Variants in VNN1 observed in about 807,000 individuals in gnomAD.
VNN1 encodes the protein vanin 1.
In VNN1, 29 loss-of-function variants were observed where a neutral mutation model predicts 41.9. The ratio of observed to expected loss-of-function variants is 0.69; its 90% CI spans 0.52 to 0.94. The LOEUF is 0.94. VNN1 is among the 40% of genes least tolerant of loss of function. The probability of loss-of-function intolerance (pLI) is 0.00; values close to 1 mark genes in which losing one functional copy is unlikely to be tolerated. For missense variants in VNN1, 637 were observed against 621.1 expected (o/e 1.03, Z -0.27); for synonymous variants, 233 against 224.4 (o/e 1.04, Z -0.34).
intron 1 of VNN1, among the ~76,000 whole-genome samples, chr6:132,713,508 G>A (rs1354700402): frequency 6.6e-6 from 1 of 152,164 alleles, no homozygotes; most frequent in Non-Finnish European, 1.5e-5. Flanking sequence ...CCTAGTCCCT[G>A]ACCCATTTAT....
intron 2 of VNN1, among the ~76,000 whole-genome samples, chr6:132,711,104 G>A (rs1315492546): frequency 1.3e-5 from 2 of 152,194 alleles, no homozygotes; most frequent in African/African-American, 4.8e-5. Flanking sequence ...TTCCAAAAGA[G>A]GAATTCCTAA....
chr6:132,685,866 C>G (rs1364267319), intron 5 of VNN1, among the ~76,000 whole-genome samples: 1 of 152,162 alleles, frequency 6.6e-6, no homozygotes, highest in Non-Finnish European at 1.5e-5. Context: ...AGTGGATGGT[C>G]TTTAGATGAA....
At chr6:132,700,060 C>T (rs755600494) in intron 2 of VNN1, among the ~76,000 whole-genome samples, 17 of 152,060 alleles carry the variant, frequency 1.1e-4, no homozygotes, top group Non-Finnish European at 2.2e-4. Flanking sequence ...ACAATAGGGA[C>T]AAAAAGTTTA....
In VNN1 at chr6:132,681,844, A is replaced by G. The variant is rs757305408; in HGVS notation, c.*1296T>C. 7.2e-5 allele frequency: 11 copies of G among 152,642 alleles called. No homozygotes were observed. The highest frequency in any genetic ancestry group is 1.5e-4 in the Non-Finnish European group (10 of 68,026). 9.5% of individuals were successfully genotyped at this position (152,642 alleles called of 1,614,324 possible). A position where few individuals can be genotyped will look rare whatever the true frequency, so the allele number is the denominator to read the frequency against. ...TTTTTAGGAAAAACATCTGCCACAA[A>G]AATGTTTGTCTCAAAATGATGTTTT... On this transcript the variant is annotated 3_prime_UTR_variant, in exon 7 of 7. Coordinates refer to ENST00000367928, the MANE Select transcript of VNN1 (RefSeq NM_004666.3).
At chr6:132,699,136 T>C (rs1265700278) in intron 2 of VNN1, 1 of 339,270 alleles carries the variant, frequency 2.9e-6, no homozygotes, top group Non-Finnish European at 5.9e-6. Context: ...TGGCAACTGA[T>C]GTGTTCCAAA....
Position 132,682,946 on chromosome 6 carries a change from A to T in VNN1, c.*194T>A. ...CCAAGAAAGACCAATGTTCAAATATAGTTTTTTAAATAAAATCTACATTAA... is the reference window on the plus strand; with the variant it reads ...CCAAGAAAGACCAATGTTCAAATATTGTTTTTTAAATAAAATCTACATTAA... On this transcript the variant is annotated 3_prime_UTR_variant, in exon 7 of 7. Coordinates refer to ENST00000367928, the MANE Select transcript of VNN1 (RefSeq NM_004666.3). 1 of 401,062 alleles carries T rather than the reference A, an allele frequency of 2.5e-6. No individual in the cohort carries two copies. Among genetic ancestry groups the T allele is most frequent in the Non-Finnish European group, 4.2e-6 (1 of 236,972 alleles). 24.8% of individuals were successfully genotyped at this position (401,062 alleles called of 1,614,324 possible). A position where few individuals can be genotyped will look rare whatever the true frequency, so the allele number is the denominator to read the frequency against.
chr6:132,684,196 G>A, intron 6 of VNN1, 139 bp downstream of exon 6: 2 of 822,288 alleles, frequency 2.4e-6, no homozygotes, highest in Non-Finnish European at 3.6e-6. Flanking sequence ...CCTGCTCAAT[G>A]TCCTTCATGA....
Position 132,681,135 on chromosome 6 carries a change from T to C in VNN1, c.*2005A>G, listed in dbSNP as rs1185406037. ...TCCACGTTGTGCCATTGTTGGTCCA[T>C]GTGACCAACATCATGTGGAAGAAGA... On this transcript the variant is annotated 3_prime_UTR_variant, in exon 7 of 7. Coordinates refer to ENST00000367928, the MANE Select transcript of VNN1 (RefSeq NM_004666.3). 1.3e-5 allele frequency among the ~76,000 whole-genome samples: 2 copies of C among 152,200 alleles called. No homozygotes were observed. Among genetic ancestry groups the C allele is most frequent in the African/African-American group, 2.4e-5 (1 of 41,442 alleles).
intron 4 of VNN1, 64 bp downstream of exon 4, chr6:132,692,960 A>T (rs1755512750): frequency 6.7e-7 from 1 of 1,486,926 alleles, no homozygotes. Flanking sequence ...CTAGAAAAAC[A>T]TGTTTTTTTT....
Position 132,693,094 on chromosome 6 carries a change from T to G in VNN1, c.756A>C (p.Ser252=). ...LPHLSAVEFH[S]AWAMGMRVNF... Reference sequence around the variant, plus strand: ...TGACCCTCATGCCCATAGCCCAAGCTGAGTGGAATTCAACAGCTGACAAAT... The same window carrying G: ...TGACCCTCATGCCCATAGCCCAAGCGGAGTGGAATTCAACAGCTGACAAAT... The change falls in exon 4 of 7, where the codon TCA becomes TCC. Residue 252 remains serine (S), a synonymous_variant. Coordinates refer to ENST00000367928, the MANE Select transcript of VNN1 (RefSeq NM_004666.3). 3 of 1,614,112 alleles carry G rather than the reference T, an allele frequency of 1.9e-6. No individual in the cohort carries two copies. The highest frequency in any genetic ancestry group is 2.5e-6 in the Non-Finnish European group (3 of 1,180,010).
intron 2 of VNN1, among the ~76,000 whole-genome samples, chr6:132,702,411 G>A (rs951172325): frequency 1.3e-5 from 2 of 152,196 alleles, no homozygotes; most frequent in African/African-American, 4.8e-5. Context: ...AGTCCCTGGT[G>A]CCAAAAACGT....
At chr6:132,691,040 G>A (rs1158039438) in intron 5 of VNN1, among the ~76,000 whole-genome samples, 1 of 152,186 alleles carries the variant, frequency 6.6e-6, no homozygotes, top group Non-Finnish European at 1.5e-5. Context: ...ACACCTTGAG[G>A]TTCTGCATAT....
chr6:132,695,955 A>C (rs1275818079), intron 2 of VNN1, among the ~76,000 whole-genome samples: 2 of 152,184 alleles, frequency 1.3e-5, no homozygotes, highest in Non-Finnish European at 2.9e-5. Context: ...TCATACAAAG[A>C]AACAGGAAAG....
chr6:132,699,135 A>C, intron 2 of VNN1: 1 of 337,950 alleles, frequency 3.0e-6, no homozygotes, highest in East Asian at 9.2e-5. Flanking sequence ...TTGGCAACTG[A>C]TGTGTTCCAA....
chr6:132,696,964 G>T (rs1778383436), intron 2 of VNN1, among the ~76,000 whole-genome samples: 1 of 152,078 alleles, frequency 6.6e-6, no homozygotes, highest in South Asian at 2.1e-4. Flanking sequence ...AATTAGCCAG[G>T]CGTGGTGGCA....
rs556342476 is a variant in VNN1, at chr6:132,701,801, C to T, written c.342-7619G>A. Among the ~76,000 whole-genome samples the T allele has an allele frequency of 4.6e-5, 7 of 152,352 alleles. 1 individual carries two copies. In the South Asian group the frequency reaches 1.4e-3, roughly 32 times the overall value. The stretch of plus-strand genomic sequence containing the variant: ...ATTGCCAATACCACTCTCCCCCATC[C>T]TCCAGGTTACCACATGGTGTGGAGA... On this transcript the variant is annotated intron_variant, in intron 2 of 6. Coordinates refer to ENST00000367928, the MANE Select transcript of VNN1 (RefSeq NM_004666.3).
At position 132,711,753 on chromosome 6, in the gene VNN1, G is replaced by A. The variant is rs962868487; in HGVS notation, c.297C>T (p.Ile99=). The A allele has an allele frequency of 1.2e-6, 2 of 1,613,800 alleles. No homozygotes were observed. The highest frequency in any genetic ancestry group is 1.1e-5 in the South Asian group (1 of 91,056). ...GGATCCAGTTTACTTCAGGGTCTGG[G>A]ATGTCCTCCAAATATGGGTAGAGAG... The part of the protein sequence containing the change: ...RDSLYPYLED[I]PDPEVNWIPC... The change falls in exon 2 of 7, where the codon ATC becomes ATT. Residue 99 remains isoleucine (I), a synonymous_variant. Coordinates refer to ENST00000367928, the MANE Select transcript of VNN1 (RefSeq NM_004666.3).
intron 2 of VNN1, among the ~76,000 whole-genome samples, chr6:132,696,902 G>A (rs999996482): frequency 1.8e-4 from 27 of 152,060 alleles, no homozygotes; most frequent in Admixed American, 3.9e-4. Context: ...TCAGGAGATC[G>A]AGACCATCCT....
Position 132,693,999 on chromosome 6 carries a change from G to A in VNN1, c.525C>T (p.Arg175=), listed in dbSNP as rs145394724. The change falls in exon 3 of 7, where the codon CGC becomes CGT. Residue 175 remains arginine, a synonymous_variant. Coordinates refer to ENST00000367928, the MANE Select transcript of VNN1 (RefSeq NM_004666.3). ...VFDSQGKLVA[R]YHKQNLFMGE... ...TGCAAATTAATTTTACCTTATGGTA[G>A]CGTGCCACCAGTTTTCCTTGAGAAT... is the stretch of plus-strand genomic sequence containing the variant. The A allele has an allele frequency of 5.7e-5, 92 of 1,613,932 alleles. No individual in the cohort carries two copies. The highest frequency in any genetic ancestry group is 7.4e-5 in the Non-Finnish European group (87 of 1,179,994).
Sources: gnomAD v4.1 joint callset for allele counts (sites outside exome capture counted in the v4.1 genomes callset) on GRCh38, gnomAD v4.1.1 for gene constraint, MANE v1.5 for transcripts, NCBI Gene and HGNC (gene_info 2026-07-23, HGNC 2026-07-21) for gene names.